The following UBXN8 variants were observed in gnomAD, a reference collection of about 807,000 sequenced individuals.
UBXN8 encodes the protein UBX domain-containing protein 8.
Under a neutral mutation model 32.1 loss-of-function variants are expected in UBXN8, and 27 were observed. The observed-to-expected ratio is 0.84, with a 90% CI of 0.62 to 1.16. The LOEUF (loss-of-function observed/expected upper bound fraction) is 1.16. UBXN8 is among the 50% of genes most tolerant of loss of function. The pLI is 0.00. For synonymous variants in UBXN8, 109 were observed against 111.8 expected (o/e 0.98, Z 0.16); for missense variants, 306 against 311.4 (o/e 0.98, Z 0.13).
upstream of UBXN8, among the ~76,000 whole-genome samples, chr8:30,730,651 G>T (rs1804929397): frequency 6.6e-6 from 1 of 152,180 alleles, no homozygotes; most frequent in African/African-American, 2.4e-5. Flanking sequence ...AGCCCAGAAG[G>T]CCACAAACGT....
upstream of UBXN8, among the ~76,000 whole-genome samples, chr8:30,741,741 C>T (rs977518561): frequency 3.9e-5 from 6 of 152,088 alleles, no homozygotes; most frequent in African/African-American, 9.7e-5. Context: ...TGAGTCACCG[C>T]GCCCGGCCAC....
upstream of UBXN8, among the ~76,000 whole-genome samples, chr8:30,740,422 G>T (rs1032121854): frequency 2.1e-5 from 3 of 145,088 alleles, no homozygotes; most frequent in African/African-American, 5.1e-5. Context: ...CAGAAAACAG[G>T]CCAGGCGCGG....
upstream of UBXN8, among the ~76,000 whole-genome samples, chr8:30,731,913 G>A (rs879799911): frequency 6.6e-6 from 1 of 152,168 alleles, no homozygotes; most frequent in African/African-American, 2.4e-5. Flanking sequence ...GGCTGGTACA[G>A]GATTTGCGCT....
intron 3 of UBXN8, among the ~76,000 whole-genome samples, chr8:30,753,615 C>T (rs777352492): frequency 7.2e-5 from 11 of 152,064 alleles, no homozygotes; most frequent in South Asian, 2.1e-4. Flanking sequence ...ACAACTACCA[C>T]CTCTGTTCCA....
In UBXN8 at chr8:30,754,796, A is replaced by G; in HGVS notation, c.405+9A>G. 1 of 1,552,454 alleles carries G rather than the reference A, an allele frequency of 6.4e-7. No homozygotes were observed. Reference sequence around the variant, plus strand: ...GTGGTCACAAACTTGGGGTTGGAAAATATTCTCATTTTATATTTTGAATCC... The same window carrying G: ...GTGGTCACAAACTTGGGGTTGGAAAGTATTCTCATTTTATATTTTGAATCC... On this transcript the variant is annotated intron_variant, in intron 4 of 7. Transcript: ENST00000265616.
At chr8:30,748,393 G>A (rs190056709) in intron 1 of UBXN8, among the ~76,000 whole-genome samples, 71 of 151,532 alleles carry the variant, frequency 4.7e-4, no homozygotes, top group African/African-American at 1.6e-3. Context: ...TTGAGCCCTG[G>A]AGGTTGTGGC....
rs1416363397 is a variant in UBXN8, at chr8:30,765,606, T to C, written c.646-621T>C. Reference sequence around the variant, plus strand: ...TCTTGCTCTGTCACCCAGGCTGGAGTGCGGTGGTGGGATCTCGGCTCACTG... The same window carrying C: ...TCTTGCTCTGTCACCCAGGCTGGAGCGCGGTGGTGGGATCTCGGCTCACTG... On this transcript the variant is annotated intron_variant, in intron 7 of 7. Transcript: ENST00000265616. 2.0e-5 allele frequency among the ~76,000 whole-genome samples: 3 copies of C among 151,204 alleles called. No homozygotes were observed. The Admixed American group carries it at 2.0e-4, about 10-fold the overall frequency.
At chr8:30,743,295 A>G (rs546938106), upstream of UBXN8, among the ~76,000 whole-genome samples, 1 of 151,884 alleles carries the variant, frequency 6.6e-6, no homozygotes, top group African/African-American at 2.4e-5. Context: ...AGCTGGAATT[A>G]CAGGCGACCG....
chr8:30,729,219 T>C (rs188848287), upstream of UBXN8, among the ~76,000 whole-genome samples: 9,274 of 152,256 alleles, frequency 0.061, 778 homozygotes, highest in African/African-American at 0.19. Context: ...CGAGCGCTCC[T>C]GGGTAGGCAA....
At chr8:30,738,993 T>C (rs896769482) in intron 1 of UBXN8, among the ~76,000 whole-genome samples, 1 of 150,706 alleles carries the variant, frequency 6.6e-6, no homozygotes, top group African/African-American at 2.4e-5. Flanking sequence ...TGCTGTATGA[T>C]TCATGTATAT....
intron 1 of UBXN8, among the ~76,000 whole-genome samples, chr8:30,736,543 G>A (rs914326523): frequency 6.6e-6 from 1 of 151,916 alleles, no homozygotes; most frequent in Non-Finnish European, 1.5e-5. Context: ...GCACAATCTC[G>A]GCTCACTTCA....
At position 30,758,016 on chromosome 8, in the gene UBXN8, C is replaced by T. The variant is rs551204924; in HGVS notation, c.528+1129C>T. The stretch of plus-strand genomic sequence containing the variant: ...ATTCTCACCATTCTCCTGCCTCAGC[C>T]TCCCGAGTAGCTGGGACTACAGGCG... On this transcript the variant is annotated intron_variant, in intron 5 of 7. Coordinates refer to ENST00000265616, the MANE Select transcript of UBXN8 (RefSeq NM_005671.4). Among the ~76,000 whole-genome samples the T allele has an allele frequency of 2.7e-3, 416 of 152,142 alleles. 2 individuals carry two copies. The highest frequency in any genetic ancestry group is 9.4e-3 in the African/African-American group (390 of 41,538).
chr8:30,739,270 T>C (rs116809438), upstream of UBXN8, among the ~76,000 whole-genome samples: 3,434 of 150,596 alleles, frequency 0.023, 163 homozygotes, highest in African/African-American at 0.078. Context: ...CATGGCCGGG[T>C]ATGGTGGCTC....
intron 5 of UBXN8, among the ~76,000 whole-genome samples, chr8:30,758,322 G>T (rs945891817): frequency 1.2e-4 from 19 of 152,200 alleles, no homozygotes; most frequent in Non-Finnish European, 2.4e-4. Flanking sequence ...GCTAATAGCT[G>T]TTATTAACAT....
chr8:30,761,460 GC>G (rs1201125712), intron 6 of UBXN8, among the ~76,000 whole-genome samples: 1 of 152,166 alleles, frequency 6.6e-6, no homozygotes, highest in Non-Finnish European at 1.5e-5. Context: ...GGCCAGGCTG[GC>G]CTGGAACTCC....
intron 1 of UBXN8, 139 bp downstream of exon 1, chr8:30,744,416 C>A: frequency 2.5e-6 from 2 of 793,796 alleles, no homozygotes; most frequent in Non-Finnish European, 2.1e-6. Context: ...CCCTGCCCCC[C>A]CACTTCCGGA....
In UBXN8 at chr8:30,752,489, A is replaced by G. The variant is rs138227444; in HGVS notation, c.212-546A>G. ...CACCTGGCTAATTTTTGTAGTTTTT[A>G]TAGTTTTTGTAGAGGTGGGATTTCG... On this transcript the variant is annotated intron_variant, in intron 2 of 7. Transcript: ENST00000265616. Among the ~76,000 whole-genome samples, 583 of 151,826 alleles carry G rather than the reference A, an allele frequency of 3.8e-3. 2 individuals carry two copies. The highest frequency in any genetic ancestry group is 0.013 in the African/African-American group (535 of 41,420).
At chr8:30,764,023 T>C (rs867075987) in intron 7 of UBXN8, among the ~76,000 whole-genome samples, 8 of 152,078 alleles carry the variant, frequency 5.3e-5, no homozygotes, top group African/African-American at 1.9e-4. Flanking sequence ...AATACTGTGG[T>C]TGTTAGTGAT....
chr8:30,749,414 T>A (rs1044798587), intron 1 of UBXN8, among the ~76,000 whole-genome samples: 12 of 131,688 alleles, frequency 9.1e-5, no homozygotes, highest in African/African-American at 2.8e-4. Flanking sequence ...ATAAAATAAA[T>A]AAATAAATAA....
Sources: allele counts gnomAD v4.1 joint callset (sites outside exome capture counted in the v4.1 genomes callset), GRCh38; gene constraint gnomAD v4.1.1; transcripts MANE v1.5; gene names NCBI Gene and HGNC (gene_info 2026-07-23, HGNC 2026-07-21).